HDAC9: variants seen among roughly 807,000 people sequenced by gnomAD.
HDAC9 encodes MEF-2 interacting transcription repressor (MITR) protein.
HDAC9 carries 41 observed loss-of-function variants against 139.4 expected under a neutral mutation model. The ratio of observed to expected loss-of-function variants is 0.29; its 90% CI spans 0.23 to 0.38. HDAC9 has a LOEUF of 0.38. HDAC9 is among the 10% of genes least tolerant of loss of function. The pLI, the probability that HDAC9 is intolerant of heterozygous loss-of-function variation, is 1.00. For synonymous variants in HDAC9, 517 were observed against 476.2 expected (o/e 1.09, Z -1.12); for missense variants, 1,147 against 1,297.0 (o/e 0.88, Z 1.78).
intron 23 of HDAC9, among the ~76,000 whole-genome samples, chr7:18,953,518 C>T (rs1782947219): frequency 2.0e-5 from 3 of 152,048 alleles, no homozygotes; most frequent in African/African-American, 7.2e-5. Context: ...GATAGATTTG[C>T]AAGGTAGGAG....
chr7:18,236,020 A>G (rs574568633), intron 2 of HDAC9, among the ~76,000 whole-genome samples: 2 of 152,292 alleles, frequency 1.3e-5, no homozygotes, highest in African/African-American at 4.8e-5. Context: ...TCAAGTTGAG[A>G]CAGGTAGGGT....
At chr7:18,256,054 C>G (rs1017131219) in intron 2 of HDAC9, among the ~76,000 whole-genome samples, 9 of 135,690 alleles carry the variant, frequency 6.6e-5, no homozygotes, top group Non-Finnish European at 1.5e-4. Context: ...ACCTTGACAT[C>G]TCAGCATATC....
chr7:18,145,046 T>G (rs1379369027), intron 1 of HDAC9, among the ~76,000 whole-genome samples: 2 of 152,246 alleles, frequency 1.3e-5, no homozygotes, highest in East Asian at 3.8e-4. Flanking sequence ...GCTTTGTGTT[T>G]CCACAATTTA....
chr7:18,730,740 A>G (rs1286149240), intron 13 of HDAC9, among the ~76,000 whole-genome samples: 1 of 152,182 alleles, frequency 6.6e-6, no homozygotes, highest in Non-Finnish European at 1.5e-5. Context: ...TTTCTTCATC[A>G]CAACTTCAGG....
At chr7:18,470,147 T>C (rs1411601225) in intron 1 of HDAC9, among the ~76,000 whole-genome samples, 1 of 152,040 alleles carries the variant, frequency 6.6e-6, no homozygotes, top group Non-Finnish European at 1.5e-5. Flanking sequence ...AGACCCTGTC[T>C]TTACCAAATA....
intron 1 of HDAC9, among the ~76,000 whole-genome samples, chr7:18,145,926 A>G (rs770785974): frequency 7.9e-5 from 12 of 152,204 alleles, no homozygotes; most frequent in Non-Finnish European, 1.5e-4. Context: ...AGGGCAGAAC[A>G]GAAAGACCCC....
chr7:18,165,677 C>T (rs1031503696), intron 2 of HDAC9, among the ~76,000 whole-genome samples: 1 of 151,642 alleles, frequency 6.6e-6, no homozygotes, highest in African/African-American at 2.4e-5. Flanking sequence ...GTAGTCCCTG[C>T]TACTTAGGAA....
At chr7:18,712,220 TTAAGTTAAAATCCC>T (rs1160917679) in intron 12 of HDAC9, among the ~76,000 whole-genome samples, 1 of 152,198 alleles carries the variant, frequency 6.6e-6, no homozygotes, top group Non-Finnish European at 1.5e-5. Flanking sequence ...TGTTTTCTGA[TTAAGTTAAAATCCC>T]TAAAGATGTT....
intron 11 of HDAC9, among the ~76,000 whole-genome samples, chr7:18,652,011 GT>G (rs1202446712): frequency 6.6e-6 from 1 of 152,094 alleles, no homozygotes; most frequent in Non-Finnish European, 1.5e-5. Context: ...GTTTTGAGAA[GT>G]TTAATCATAA....
At chr7:18,718,885 C>T (rs1584908042) in intron 12 of HDAC9, among the ~76,000 whole-genome samples, 1 of 152,174 alleles carries the variant, frequency 6.6e-6, no homozygotes, top group East Asian at 1.9e-4. Context: ...TACACCCCCA[C>T]CAGCAGTGTA....
chr7:18,591,475 A>ATGTGTG lies in HDAC9; in HGVS notation c.416-13_416-8dup, dbSNP rs36100341. The stretch of plus-strand genomic sequence containing the variant: ...CATCAACATCTGTTTCTGTGTGTGT[A>ATGTGTG]TGTGTGTGTGTGTGTGTGTGTGTGT... On this transcript the variant is annotated intron_variant, in intron 4 of 25. Transcript: ENST00000686413. 9,417 of 1,473,238 alleles carry ATGTGTG rather than the reference A, an allele frequency of 6.4e-3. 337 individuals carry two copies. In the African/African-American group the frequency reaches 0.12, roughly 19 times the overall value. The allele number at this position is 1,473,238 out of a possible 1,614,324, so 91.3% of individuals were successfully genotyped here. A position where few individuals can be genotyped will look rare whatever the true frequency, so the allele number is the denominator to read the frequency against.
chr7:18,131,874 A>G (rs945269253), intron 1 of HDAC9, among the ~76,000 whole-genome samples: 2 of 152,208 alleles, frequency 1.3e-5, no homozygotes, highest in Non-Finnish European at 2.9e-5. Flanking sequence ...GGTTGGAATT[A>G]TAGATAATTG....
At chr7:18,575,783 T>G (rs1227171623) in intron 2 of HDAC9, among the ~76,000 whole-genome samples, 2 of 152,256 alleles carry the variant, frequency 1.3e-5, no homozygotes, top group African/African-American at 2.4e-5. Flanking sequence ...AACATATACA[T>G]GCAGATGTGC....
intron 2 of HDAC9, among the ~76,000 whole-genome samples, chr7:18,279,158 G>T (rs938768147): frequency 1.3e-5 from 2 of 152,158 alleles, no homozygotes; most frequent in African/African-American, 4.8e-5. Flanking sequence ...ATGTTTGACT[G>T]TAGCAAACTG....
At chr7:18,841,129 A>C (rs1488664813) in intron 21 of HDAC9, among the ~76,000 whole-genome samples, 1 of 152,076 alleles carries the variant, frequency 6.6e-6, no homozygotes, top group Non-Finnish European at 1.5e-5. Context: ...TATTTTATAA[A>C]ATATATCATC....
intron 19 of HDAC9, among the ~76,000 whole-genome samples, chr7:18,832,792 A>G (rs1400041779): frequency 6.6e-6 from 1 of 151,998 alleles, no homozygotes; most frequent in Non-Finnish European, 1.5e-5. Context: ...CTGGAGTGCA[A>G]TGGCACGATC....
At chr7:18,945,398 A>G (rs549929379) in intron 23 of HDAC9, among the ~76,000 whole-genome samples, 5 of 152,158 alleles carry the variant, frequency 3.3e-5, no homozygotes, top group Non-Finnish European at 5.9e-5. Context: ...GCAATTCTTT[A>G]TAGGTTCTAG....
chr7:18,190,876 A>G (rs1790304427), intron 2 of HDAC9, among the ~76,000 whole-genome samples: 1 of 151,576 alleles, frequency 6.6e-6, no homozygotes, highest in South Asian at 2.1e-4. Flanking sequence ...ACCTTTGTAA[A>G]CTCCTACCTT....
At chr7:18,605,869 A>G (rs1835335347) in intron 6 of HDAC9, among the ~76,000 whole-genome samples, 1 of 151,796 alleles carries the variant, frequency 6.6e-6, no homozygotes, top group South Asian at 2.1e-4. Context: ...TTCAGTAGAG[A>G]TGGGATTTCA....
Sources: allele counts gnomAD v4.1 joint callset (sites outside exome capture counted in the v4.1 genomes callset), GRCh38; gene constraint gnomAD v4.1.1; transcripts MANE v1.5; gene names NCBI Gene and HGNC (gene_info 2026-07-23, HGNC 2026-07-21).